The following NRXN3 variants were observed in gnomAD, a reference collection of about 807,000 sequenced individuals.
The protein encoded by NRXN3 is neurexin III.
A neutral mutation model predicts 137.6 loss-of-function variants in NRXN3; 32 were observed. That is an observed-to-expected ratio of 0.23 (90% CI 0.18 to 0.31). The LOEUF (loss-of-function observed/expected upper bound fraction) is 0.31. Ranked by LOEUF, NRXN3 falls within the 10% of genes least tolerant of loss-of-function variation. NRXN3 has a pLI of 1.00. For synonymous variants in NRXN3, 798 were observed against 784.5 expected (o/e 1.02, Z -0.29); for missense variants, 1,574 against 2,062.5 (o/e 0.76, Z 4.59).
chr14:78,497,867 C>T (rs959912398), intron 4 of NRXN3, among the ~76,000 whole-genome samples: 3 of 152,116 alleles, frequency 2.0e-5, no homozygotes, highest in Non-Finnish European at 4.4e-5. Flanking sequence ...TCAAATGTAT[C>T]GAAGAGTTGT....
intron 16 of NRXN3, among the ~76,000 whole-genome samples, chr14:79,609,076 T>C (rs982797211): frequency 4.6e-5 from 7 of 152,026 alleles, no homozygotes; most frequent in Non-Finnish European, 1.0e-4. Flanking sequence ...TAGTTCCTGA[T>C]CGTTTTTCAT....
intron 8 of NRXN3, among the ~76,000 whole-genome samples, chr14:78,784,923 T>C (rs1336858703): frequency 1.3e-5 from 2 of 152,056 alleles, no homozygotes; most frequent in East Asian, 1.9e-4. Flanking sequence ...GTGTATTCTA[T>C]GGCCAAAGTG....
chr14:78,347,135 T>C (rs1184043111), intron 4 of NRXN3, among the ~76,000 whole-genome samples: 1 of 152,220 alleles, frequency 6.6e-6, no homozygotes, highest in Non-Finnish European at 1.5e-5. Context: ...TGCCGTCAAT[T>C]ACAATCCCGG....
intron 10 of NRXN3, among the ~76,000 whole-genome samples, chr14:78,815,728 A>C (rs993010533): frequency 1.3e-5 from 2 of 152,074 alleles, no homozygotes; most frequent in Admixed American, 6.5e-5. Context: ...TTATCTGAGA[A>C]TCTCAGAGCC....
Position 79,862,291 on chromosome 14 carries a change from C to A in NRXN3, c.*327C>A, listed in dbSNP as rs1283615947. The A allele has an allele frequency of 9.2e-6, 2 of 217,384 alleles. No homozygotes were observed. The highest frequency in any genetic ancestry group is 1.0e-4 in the Admixed American group (2 of 19,530). The allele number at this position is 217,384 out of a possible 1,614,324, so 13.5% of individuals were successfully genotyped here. A position where few individuals can be genotyped will look rare whatever the true frequency, so the allele number is the denominator to read the frequency against. On this transcript the variant is annotated 3_prime_UTR_variant, in exon 21 of 21. Coordinates refer to ENST00000335750, the MANE Select transcript of NRXN3 (RefSeq NM_001330195.2). ...ACCACTTCCGCAGGCCTGGAAACTT[C>A]CTTCTCCGGAGGACCTTTTACTAAA... is the stretch of plus-strand genomic sequence containing the variant.
chr14:78,347,900 A>G (rs924557450), intron 4 of NRXN3, among the ~76,000 whole-genome samples: 7 of 152,140 alleles, frequency 4.6e-5, no homozygotes, highest in Admixed American at 3.9e-4. Flanking sequence ...AGGGAAATAC[A>G]AAGAAGAGTG....
chr14:79,563,811 C>T (rs2153784340), intron 16 of NRXN3, among the ~76,000 whole-genome samples: 1 of 152,140 alleles, frequency 6.6e-6, no homozygotes, highest in South Asian at 2.1e-4. Context: ...GTGGATCTCC[C>T]TCCTCTACCA....
intron 4 of NRXN3, among the ~76,000 whole-genome samples, chr14:78,387,925 C>T (rs536484120): frequency 2.0e-4 from 30 of 152,252 alleles, no homozygotes; most frequent in African/African-American, 6.7e-4. Context: ...CTCTGTGGCT[C>T]GGGAAGAACA....
chr14:79,417,963 G>GA (rs34369597), intron 15 of NRXN3, among the ~76,000 whole-genome samples: 54 of 141,564 alleles, frequency 3.8e-4, no homozygotes, highest in African/African-American at 6.1e-4. Context: ...AGAATATATG[G>GA]AAAAAAAAAA....
intron 19 of NRXN3, among the ~76,000 whole-genome samples, chr14:79,781,852 C>T (rs1273828003): frequency 6.6e-6 from 1 of 152,164 alleles, no homozygotes; most frequent in Non-Finnish European, 1.5e-5. Flanking sequence ...AATCTATTTA[C>T]TTGTCTATTC....
chr14:79,594,719 G>T (rs2097844988), intron 16 of NRXN3, among the ~76,000 whole-genome samples: 1 of 151,968 alleles, frequency 6.6e-6, no homozygotes, highest in Admixed American at 6.6e-5. Flanking sequence ...ATAAAGGTCT[G>T]TGGGAGATAA....
rs545364580 is a variant in NRXN3 at position 79,169,792 on chromosome 14, G to A, written c.3262+181651G>A. On this transcript the variant is annotated intron_variant, in intron 15 of 20. Coordinates refer to ENST00000335750, the MANE Select transcript of NRXN3 (RefSeq NM_001330195.2). ...TCCATGGAATGCTGAAGTCCCACAA[G>A]GAATTCTGAGGCCCAGGTAAGGAAG... 2.6e-5 allele frequency among the ~76,000 whole-genome samples: 4 copies of A among 152,172 alleles called. No homozygotes were observed. In the East Asian group the frequency reaches 7.7e-4, roughly 29 times the overall value.
intron 15 of NRXN3, among the ~76,000 whole-genome samples, chr14:79,222,177 TCAGGTAGTGTGATGCCCC>T (rs2069848199): frequency 6.6e-6 from 1 of 152,168 alleles, no homozygotes; most frequent in Non-Finnish European, 1.5e-5. Context: ...TAGTTTGAAG[TCAGGTAGTGTGATGCCCC>T]CAGCTTTGTT....
intron 1 of NRXN3, among the ~76,000 whole-genome samples, chr14:78,199,008 G>T (rs546607082): frequency 2.8e-4 from 42 of 152,340 alleles, no homozygotes; most frequent in African/African-American, 9.4e-4. Flanking sequence ...CAGGGCTCCT[G>T]GCTCCAAGGA....
At chr14:78,432,637 C>A (rs185381571) in intron 4 of NRXN3, among the ~76,000 whole-genome samples, 2 of 152,320 alleles carry the variant, frequency 1.3e-5, no homozygotes, top group Admixed American at 1.3e-4. Context: ...AGTAAAGCTG[C>A]CTTGCCTGGT....
At chr14:78,613,646 G>A (rs1353388005) in intron 4 of NRXN3, among the ~76,000 whole-genome samples, 1 of 134,856 alleles carries the variant, frequency 7.4e-6, no homozygotes, top group Non-Finnish European at 1.5e-5. Context: ...TTAGGGTCTA[G>A]TTTCCATACC....
intron 10 of NRXN3, among the ~76,000 whole-genome samples, chr14:78,951,514 C>T (rs1567800386): frequency 6.6e-6 from 1 of 152,142 alleles, no homozygotes; most frequent in Non-Finnish European, 1.5e-5. Flanking sequence ...GTAGCCAGTC[C>T]TCAGTCCTCA....
chr14:78,567,788 C>T (rs1056313219), intron 4 of NRXN3, among the ~76,000 whole-genome samples: 90 of 151,862 alleles, frequency 5.9e-4, no homozygotes, highest in Non-Finnish European at 4.3e-4. Flanking sequence ...ATCTTGCCAA[C>T]GTGGAGGTCT....
At chr14:79,587,381 C>T (rs915353636) in intron 16 of NRXN3, among the ~76,000 whole-genome samples, 1 of 152,288 alleles carries the variant, frequency 6.6e-6, no homozygotes, top group Admixed American at 6.5e-5. Flanking sequence ...CACACATTTC[C>T]GTCAAGGAAG....
Sources: gnomAD v4.1 joint callset for allele counts (sites outside exome capture counted in the v4.1 genomes callset) on GRCh38, gnomAD v4.1.1 for gene constraint, MANE v1.5 for transcripts, NCBI Gene and HGNC (gene_info 2026-07-23, HGNC 2026-07-21) for gene names.